Variants in FOCAD observed in about 807,000 individuals in gnomAD.
FOCAD encodes the protein focadhesin.
In FOCAD, 198 loss-of-function variants were observed where a neutral mutation model predicts 225.6. That is an observed-to-expected ratio of 0.88 (90% CI 0.78 to 0.99). The LOEUF (loss-of-function observed/expected upper bound fraction) is 0.99. FOCAD is among the 50% of genes least tolerant of loss of function. The probability of loss-of-function intolerance (pLI) is 0.00; values close to 1 mark genes in which losing one functional copy is unlikely to be tolerated. For missense variants in FOCAD, 2,713 were observed against 2,123.6 expected (o/e 1.28, Z -5.46); for synonymous variants, 897 against 755.0 (o/e 1.19, Z -3.08).
chr9:20,923,870 G>A, intron 25 of FOCAD, 102 bp downstream of exon 25: 1 of 839,912 alleles, frequency 1.2e-6, no homozygotes, highest in Non-Finnish European at 2.0e-6. Context: ...CTGTGATTAT[G>A]GCACCAAGTT....
chr9:20,929,308 T>C (rs757150106), intron 26 of FOCAD, 50 bp from the exon 27 acceptor site: 3 of 1,448,818 alleles, frequency 2.1e-6, no homozygotes, highest in African/African-American at 2.8e-5. Context: ...ATAGGTATGC[T>C]TCCTTCATGT....
intron 15 of FOCAD, among the ~76,000 whole-genome samples, chr9:20,824,136 T>A (rs1824629326): frequency 6.6e-6 from 1 of 152,122 alleles, no homozygotes; most frequent in Admixed American, 6.6e-5. Flanking sequence ...TGTTAGAACT[T>A]AATGGCAAGG....
chr9:20,976,986 C>A (rs1386505766), intron 36 of FOCAD, among the ~76,000 whole-genome samples: 1 of 152,186 alleles, frequency 6.6e-6, no homozygotes, highest in African/African-American at 2.4e-5. Context: ...GGCCAGAAGT[C>A]CAACATGTTT....
At chr9:20,710,588 C>G (rs556881285) in intron 1 of FOCAD, among the ~76,000 whole-genome samples, 1 of 150,750 alleles carries the variant, frequency 6.6e-6, no homozygotes, top group African/African-American at 2.4e-5. Flanking sequence ...AAAAGCGTAA[C>G]TCTGTCTCAA....
chr9:20,663,474 AACACACACACAC>A (rs367867901), intron 2 of FOCAD, among the ~76,000 whole-genome samples: 6 of 149,048 alleles, frequency 4.0e-5, no homozygotes, highest in East Asian at 2.0e-4. Flanking sequence ...TGTGTGCATG[AACACACACACAC>A]ACACACACAC....
chr9:20,973,730 A>T (rs1315040904), intron 35 of FOCAD, among the ~76,000 whole-genome samples: 4 of 147,658 alleles, frequency 2.7e-5, no homozygotes, highest in African/African-American at 1.0e-4. Flanking sequence ...GCATCTGTTC[A>T]TGGCCTCTGC....
intron 2 of FOCAD, among the ~76,000 whole-genome samples, chr9:20,677,237 T>A (rs907438191): frequency 6.6e-6 from 1 of 152,178 alleles, no homozygotes; most frequent in Admixed American, 6.5e-5. Context: ...AGATTAAATA[T>A]TCAAACATAA....
intron 34 of FOCAD, among the ~76,000 whole-genome samples, chr9:20,951,913 G>T (rs1837724727): frequency 6.6e-6 from 1 of 152,148 alleles, no homozygotes; most frequent in South Asian, 2.1e-4. Context: ...CCACTGACAA[G>T]TAGTCTACAG....
chr9:20,922,016 A>T (rs1423863257), intron 24 of FOCAD, among the ~76,000 whole-genome samples: 1 of 152,214 alleles, frequency 6.6e-6, no homozygotes, highest in African/African-American at 2.4e-5. Context: ...GGGATTCATG[A>T]CCATTTTGCA....
At chr9:20,918,616 T>C (rs969917129) in intron 24 of FOCAD, among the ~76,000 whole-genome samples, 3 of 150,706 alleles carry the variant, frequency 2.0e-5, no homozygotes, top group African/African-American at 7.3e-5. Flanking sequence ...CCCAGCTACT[T>C]GGGAGGCTGA....
At chr9:20,708,599 G>C (rs1007560634) in intron 1 of FOCAD, among the ~76,000 whole-genome samples, 1 of 151,736 alleles carries the variant, frequency 6.6e-6, no homozygotes, top group Admixed American at 6.6e-5. Context: ...GGGAGTCCCC[G>C]TTGCTACAAA....
chr9:20,768,798 T>C (rs1817865247), intron 7 of FOCAD, among the ~76,000 whole-genome samples: 1 of 152,168 alleles, frequency 6.6e-6, no homozygotes, highest in Non-Finnish European at 1.5e-5. Context: ...ATAGTCCTTT[T>C]CATTTTAATT....
chr9:20,920,192 G>A (rs1834270230), intron 24 of FOCAD, among the ~76,000 whole-genome samples: 2 of 151,836 alleles, frequency 1.3e-5, no homozygotes, highest in Admixed American at 1.3e-4. Context: ...CATTTATGCA[G>A]CCAAAAAACA....
intron 6 of FOCAD, among the ~76,000 whole-genome samples, chr9:20,758,905 C>A (rs1040384589): frequency 6.6e-6 from 1 of 152,112 alleles, no homozygotes; most frequent in African/African-American, 2.4e-5. Flanking sequence ...AGCTGATAAG[C>A]AACTTCAGCA....
chr9:20,987,805 T>C (rs1254171032), intron 40 of FOCAD, among the ~76,000 whole-genome samples: 13 of 152,224 alleles, frequency 8.5e-5, no homozygotes, highest in Non-Finnish European at 1.9e-4. Context: ...GTCTTTACTG[T>C]GCTGGGAATC....
chr9:20,856,332 C>T (rs186119638), intron 15 of FOCAD, among the ~76,000 whole-genome samples: 1 of 151,982 alleles, frequency 6.6e-6, no homozygotes, highest in East Asian at 1.9e-4. Flanking sequence ...TTTTAATTTG[C>T]ATTTCTCTGA....
At position 20,765,133 on chromosome 9, in the gene FOCAD, A is replaced by G. The variant is rs1829949644; in HGVS notation, c.699+60A>G. The G allele has an allele frequency of 3.5e-6, 5 of 1,443,850 alleles. No individual in the cohort carries two copies. In the South Asian group the frequency reaches 4.0e-5, roughly 12 times the overall value. 89.4% of individuals were successfully genotyped at this position (1,443,850 alleles called of 1,614,324 possible). On this transcript the variant is annotated intron_variant, in intron 7 of 43. Transcript: ENST00000338382. Reference sequence around the variant, plus strand: ...AGCATCAGTAAGTGTTGTTATTGTCATAGACAAAGTAGTTCTAGAACATAA... The same window carrying G: ...AGCATCAGTAAGTGTTGTTATTGTCGTAGACAAAGTAGTTCTAGAACATAA...
intron 1 of FOCAD, among the ~76,000 whole-genome samples, chr9:20,691,556 A>T (rs946806813): frequency 1.8e-4 from 27 of 151,882 alleles, no homozygotes; most frequent in Non-Finnish European, 1.8e-4. Flanking sequence ...ATCTCGGCTC[A>T]CTGCAAGCCG....
At chr9:20,727,165 C>G (rs1432306345) in intron 4 of FOCAD, among the ~76,000 whole-genome samples, 1 of 152,110 alleles carries the variant, frequency 6.6e-6, no homozygotes, top group Non-Finnish European at 1.5e-5. Context: ...TGTTCTCCTT[C>G]CTTTTGTTCC....
Sources: allele counts gnomAD v4.1 joint callset (sites outside exome capture counted in the v4.1 genomes callset), GRCh38; gene constraint gnomAD v4.1.1; transcripts MANE v1.5; gene names NCBI Gene and HGNC (gene_info 2026-07-23, HGNC 2026-07-21).